The following GRM5 variants were observed in gnomAD, a reference collection of about 807,000 sequenced individuals.
The protein encoded by GRM5 is metabotropic glutamate receptor 5.
Under a neutral mutation model 83.1 loss-of-function variants are expected in GRM5, and 19 were observed. The ratio of observed to expected loss-of-function variants is 0.23; its 90% CI spans 0.16 to 0.34. The LOEUF (loss-of-function observed/expected upper bound fraction) is 0.34, where lower values mean the gene tolerates loss of function less well. Ranked by LOEUF, GRM5 falls within the 10% of genes least tolerant of loss-of-function variation. The probability of loss-of-function intolerance (pLI) is 1.00; values close to 1 mark genes in which losing one functional copy is unlikely to be tolerated. For synonymous variants in GRM5, 675 were observed against 633.6 expected (o/e 1.07, Z -0.98); for missense variants, 1,160 against 1,588.3 (o/e 0.73, Z 4.58).
At chr11:88,641,491 C>T (rs1020842550) in intron 4 of GRM5, among the ~76,000 whole-genome samples, 3 of 152,114 alleles carry the variant, frequency 2.0e-5, no homozygotes, top group African/African-American at 4.8e-5. Flanking sequence ...TGCATCAACC[C>T]AATCAGCAGT....
chr11:88,693,396 C>G (rs1940827805), intron 3 of GRM5, among the ~76,000 whole-genome samples: 2 of 152,278 alleles, frequency 1.3e-5, no homozygotes, highest in African/African-American at 4.8e-5. Context: ...CTGGGAAAAG[C>G]CTTTCGAGGA....
Position 88,525,387 on chromosome 11 carries a change from A to T in GRM5, c.2648T>A (p.Leu883Gln), listed in dbSNP as rs779104164. 2 of 1,609,212 alleles carry T rather than the reference A, an allele frequency of 1.2e-6. No individual in the cohort carries two copies. Among genetic ancestry groups the T allele is most frequent in the South Asian group, 2.2e-5 (2 of 90,944 alleles). ...CTCTATTTCCGACTTGTGCTGGGCC[A>T]GTCTCCTGTCTTTGTACCTGGTGAG... ...GETLRYKDRR[L>Q]AQHKSEIECF... Residue 883 changes from leucine to glutamine, a missense_variant, in exon 9 of 10, where the codon CTG becomes CAG. This residue lies in a region of GRM5 where 562 missense variants were observed against 532.4 expected (regional missense o/e 1.06). Transcript: ENST00000305447.
chr11:88,731,748 A>G (rs1591474212), intron 3 of GRM5, among the ~76,000 whole-genome samples: 1 of 151,972 alleles, frequency 6.6e-6, no homozygotes, highest in South Asian at 2.1e-4. Flanking sequence ...CAGTATTAAG[A>G]TGTGTCAGAT....
At chr11:88,675,035 A>C (rs934255938) in intron 3 of GRM5, among the ~76,000 whole-genome samples, 1 of 151,830 alleles carries the variant, frequency 6.6e-6, no homozygotes, top group Non-Finnish European at 1.5e-5. Flanking sequence ...CATCCCTACT[A>C]TGGTACCAAT....
chr11:88,541,833 A>G (rs1187272173), intron 8 of GRM5, among the ~76,000 whole-genome samples: 1 of 152,168 alleles, frequency 6.6e-6, no homozygotes, highest in African/African-American at 2.4e-5. Context: ...TAATTCTCAC[A>G]TGTCAAGGGA....
intron 8 of GRM5, among the ~76,000 whole-genome samples, chr11:88,538,118 C>T (rs1479187153): frequency 2.7e-5 from 4 of 147,880 alleles, no homozygotes; most frequent in Admixed American, 2.0e-4. Context: ...AAAACCTCAA[C>T]AAAAAAGAAC....
In GRM5 at chr11:88,525,366, A is replaced by G; in HGVS notation, c.2669T>C (p.Ile890Thr). 1.2e-6 allele frequency: 2 copies of G among 1,612,394 alleles called. No homozygotes were observed. Among genetic ancestry groups the G allele is most frequent in the Non-Finnish European group, 1.7e-6 (2 of 1,178,658 alleles). Residue 890 changes from isoleucine (I) to threonine (T), a missense_variant, in exon 9 of 10, where the codon ATA becomes ACA. This residue lies in a region of GRM5 where 562 missense variants were observed against 532.4 expected (regional missense o/e 1.06). Coordinates refer to ENST00000305447, the MANE Select transcript of GRM5 (RefSeq NM_001143831.3). ...DRRLAQHKSE[I>T]ECFTPKGSMG... The stretch of plus-strand genomic sequence containing the variant: ...ACTCCCTTTGGGGGTGAAACACTCT[A>G]TTTCCGACTTGTGCTGGGCCAGTCT...
At chr11:88,769,654 G>T (rs372018665) in intron 3 of GRM5, among the ~76,000 whole-genome samples, 1 of 151,996 alleles carries the variant, frequency 6.6e-6, no homozygotes, top group African/African-American at 2.4e-5. Context: ...AGAATCAACT[G>T]AAAGAACTCC....
At chr11:88,614,589 G>A (rs548643212) in intron 4 of GRM5, among the ~76,000 whole-genome samples, 16 of 152,188 alleles carry the variant, frequency 1.1e-4, no homozygotes, top group African/African-American at 3.4e-4. Context: ...TTTTTAATTT[G>A]TAAATTAAAT....
chr11:88,791,414 A>T (rs1289710134), intron 3 of GRM5, among the ~76,000 whole-genome samples: 2 of 152,188 alleles, frequency 1.3e-5, no homozygotes, highest in Non-Finnish European at 2.9e-5. Context: ...TCAACTCCAC[A>T]CATAAAGACT....
chr11:88,886,846 A>G (rs1945052248), intron 2 of GRM5, among the ~76,000 whole-genome samples: 3 of 152,228 alleles, frequency 2.0e-5, no homozygotes, highest in African/African-American at 7.2e-5. Flanking sequence ...GTTTGGCAAG[A>G]TCAGGGAATG....
chr11:88,902,377 G>A (rs892455053), intron 2 of GRM5, among the ~76,000 whole-genome samples: 18 of 152,168 alleles, frequency 1.2e-4, no homozygotes, highest in African/African-American at 3.6e-4. Flanking sequence ...TACTTCAAAA[G>A]GCTTTTGTGA....
chr11:88,533,369 TTAC>T (rs1942059976), intron 8 of GRM5, among the ~76,000 whole-genome samples: 1 of 152,168 alleles, frequency 6.6e-6, no homozygotes, highest in African/African-American at 2.4e-5. Context: ...TCCTCAAAGC[TTAC>T]TTCTTTCAAA....
chr11:88,669,294 T>C (rs1016846422), intron 3 of GRM5, among the ~76,000 whole-genome samples: 1 of 152,156 alleles, frequency 6.6e-6, no homozygotes, highest in South Asian at 2.1e-4. Flanking sequence ...ATCATTCTGA[T>C]AAAATGACCT....
rs1333693704 is a variant in GRM5 at position 88,967,223 on chromosome 11, G to GTA, written c.661+79988_661+79989insTA. On this transcript the variant is annotated intron_variant, in intron 2 of 9. Transcript: ENST00000305447. ...TGTGTGTGTGTGTGTGTATATATGT[G>GTA]TGTGTATGTATATATATATATACAC... is the stretch of plus-strand genomic sequence containing the variant. 2.1e-3 allele frequency among the ~76,000 whole-genome samples: 94 copies of GTA among 44,622 alleles called. 1 individual carries two copies. The highest frequency in any genetic ancestry group is 9.1e-3 in the South Asian group (5 of 548). 29.3% of individuals were successfully genotyped at this position (44,622 alleles called of 152,430 possible).
chr11:88,732,414 C>T (rs1941827453), intron 3 of GRM5, among the ~76,000 whole-genome samples: 1 of 151,776 alleles, frequency 6.6e-6, no homozygotes, highest in Non-Finnish European at 1.5e-5. Context: ...TATAATTAAC[C>T]TTGACTCTGG....
chr11:88,701,951 G>T (rs1941045809), intron 3 of GRM5, among the ~76,000 whole-genome samples: 1 of 152,018 alleles, frequency 6.6e-6, no homozygotes, highest in South Asian at 2.1e-4. Flanking sequence ...AGTGTCTTTT[G>T]TTAGTCTCAT....
chr11:88,885,950 A>G (rs936192357), intron 2 of GRM5, among the ~76,000 whole-genome samples: 1 of 152,182 alleles, frequency 6.6e-6, no homozygotes, highest in African/African-American at 2.4e-5. Flanking sequence ...TGTAAAGAGC[A>G]GACGAGATGG....
intron 2 of GRM5, among the ~76,000 whole-genome samples, chr11:88,900,445 A>C (rs1945296415): frequency 6.6e-6 from 1 of 152,170 alleles, no homozygotes; most frequent in Non-Finnish European, 1.5e-5. Context: ...AAAGTGGATG[A>C]CTATTTTAAC....
Sources: allele counts gnomAD v4.1 joint callset (sites outside exome capture counted in the v4.1 genomes callset), GRCh38; gene constraint gnomAD v4.1.1; regional missense constraint gnomAD v4.1.1; transcripts MANE v1.5; gene names NCBI Gene and HGNC (gene_info 2026-07-23, HGNC 2026-07-21).